The following TRIM35 variants were observed in gnomAD, a reference collection of about 807,000 sequenced individuals.
TRIM35 encodes E3 ubiquitin-protein ligase TRIM35.
A neutral mutation model predicts 49.1 loss-of-function variants in TRIM35; 37 were observed. The ratio of observed to expected loss-of-function variants is 0.75; its 90% CI spans 0.58 to 0.99. The LOEUF (loss-of-function observed/expected upper bound fraction) is 0.99, where lower values mean the gene tolerates loss of function less well. TRIM35 is among the 50% of genes least tolerant of loss of function. The pLI is 0.00. For synonymous variants in TRIM35, 302 were observed against 289.3 expected (o/e 1.04, Z -0.45); for missense variants, 648 against 702.7 (o/e 0.92, Z 0.88).
Position 27,289,266 on chromosome 8 carries a change from A to G in TRIM35, c.800T>C (p.Met267Thr). ...GCCGGGCTGGACTGGCTCTGGCTCCATGGTGCAGAAGAGTCTGGAAAAGTA... is the reference window on the plus strand; with the variant it reads ...GCCGGGCTGGACTGGCTCTGGCTCCGTGGTGCAGAAGAGTCTGGAAAAGTA... ...KSRKRRLFCT[M>T]EPEPVQPGML... The change falls in exon 5 of 6, where the codon ATG (methionine) becomes ACG (threonine). Residue 267 changes from methionine (M) to threonine (T), a missense_variant. Transcript: ENST00000305364. 6.2e-7 allele frequency: 1 copy of G among 1,614,064 alleles called. No individual in the cohort carries two copies. The highest frequency in any genetic ancestry group is 1.1e-5 in the South Asian group (1 of 91,080).
chr8:27,294,132 T>C lies in TRIM35; in HGVS notation c.710A>G (p.Glu237Gly). ...LTEETEVLAH[E>G]IERLQMEMKE... is the part of the protein sequence containing the mutation. ...CATCTCCATCTGCAGCCGCTCGATC[T>C]CATGTGCCAGCACCTCCGTCTCCTC... Residue 237 changes from glutamate (E) to glycine (G), a missense_variant, in exon 3 of 6, where the codon GAG (glutamate) becomes GGG (glycine). Glu to Gly is a moderately conservative substitution (Grantham distance 98). Transcript: ENST00000305364. 6.2e-7 allele frequency: 1 copy of C among 1,614,244 alleles called. No homozygotes were observed. Among genetic ancestry groups the C allele is most frequent in the South Asian group, 1.1e-5 (1 of 91,090 alleles).
rs1413503544 is a variant in TRIM35 at position 27,311,157 on chromosome 8, G to C, written c.79C>G (p.Pro27Ala). Residue 27 changes from proline (P) to alanine (A), a missense_variant, in exon 1 of 6, where the codon CCC becomes GCC. Transcript: ENST00000305364. Reference protein sequence around the residue: ...EELLCAVCYDPFRDAVTLRCG... With the variant: ...EELLCAVCYDAFRDAVTLRCG... Reference sequence around the variant, plus strand: ...CGCAGAGTGACTGCGTCGCGGAAGGGGTCGTAGCAGACGGCGCAGAGCAAC... The same window carrying C: ...CGCAGAGTGACTGCGTCGCGGAAGGCGTCGTAGCAGACGGCGCAGAGCAAC... 6.2e-7 allele frequency: 1 copy of C among 1,607,244 alleles called. No individual in the cohort carries two copies. Among genetic ancestry groups the C allele is most frequent in the African/African-American group, 1.3e-5 (1 of 75,040 alleles).
intron 1 of TRIM35, among the ~76,000 whole-genome samples, chr8:27,303,267 C>T (rs1413758435): frequency 6.6e-6 from 1 of 152,216 alleles, no homozygotes; most frequent in East Asian, 1.9e-4. Context: ...ACATAATTAC[C>T]GATATGTTTG....
At position 27,285,107 on chromosome 8, in the gene TRIM35, T is replaced by A. The variant is rs535212859; in HGVS notation, c.*2443A>T. The A allele has an allele frequency of 2.0e-5, 3 of 152,174 alleles. No individual in the cohort carries two copies. The highest frequency in any genetic ancestry group is 7.2e-5 in the African/African-American group (3 of 41,452). The allele number at this position is 152,174 out of a possible 1,614,324, so 9.4% of individuals were successfully genotyped here. ...GATATGCAAATGGCCAATAAGCTCA[T>A]GAAAAGATGCTCAATATCATTCGCC... On this transcript the variant is annotated 3_prime_UTR_variant, in exon 6 of 6. Transcript: ENST00000305364.
At chr8:27,290,449 C>A (rs2130262264) in intron 3 of TRIM35, among the ~76,000 whole-genome samples, 1 of 152,226 alleles carries the variant, frequency 6.6e-6, no homozygotes, top group East Asian at 1.9e-4. Flanking sequence ...GGATTAATAC[C>A]GTTATTGTGA....
At position 27,288,084 on chromosome 8, in the gene TRIM35, G is replaced by A. The variant is rs139383740; in HGVS notation, c.948C>T (p.Ser316=). The change falls in exon 6 of 6, where the codon TCC becomes TCT. Residue 316 remains serine, a synonymous_variant. Coordinates refer to ENST00000305364, the MANE Select transcript of TRIM35 (RefSeq NM_171982.5). ...TGACGCTGGTGAGGTCGTCAGACAC[G>A]GAGAGCCAGCCAGCTGCGGTGTTGG... The part of the protein sequence containing the change: ...FDPNTAAGWL[S]VSDDLTSVTN... 4.2e-5 allele frequency: 67 copies of A among 1,611,562 alleles called. No individual in the cohort carries two copies. Among genetic ancestry groups the A allele is most frequent in the East Asian group, 1.8e-4 (8 of 44,858 alleles).
intron 2 of TRIM35, among the ~76,000 whole-genome samples, chr8:27,295,720 A>G (rs1802551932): frequency 6.6e-6 from 1 of 152,212 alleles, no homozygotes; most frequent in Non-Finnish European, 1.5e-5. Flanking sequence ...TACTGAATGC[A>G]TATTGCTTTC....
intron 4 of TRIM35, among the ~76,000 whole-genome samples, chr8:27,289,846 C>G (rs191752680): frequency 6.6e-6 from 1 of 152,326 alleles, no homozygotes; most frequent in African/African-American, 2.4e-5. Flanking sequence ...AAGAAACAAG[C>G]CTGACATTGA....
intron 1 of TRIM35, among the ~76,000 whole-genome samples, chr8:27,299,663 G>T (rs1802643822): frequency 1.3e-5 from 2 of 152,230 alleles, no homozygotes; most frequent in Admixed American, 1.3e-4. Flanking sequence ...AAATGTCGGG[G>T]TGACTGGATA....
At chr8:27,310,345 G>C (rs1388069278) in intron 1 of TRIM35, among the ~76,000 whole-genome samples, 1 of 152,212 alleles carries the variant, frequency 6.6e-6, no homozygotes, top group East Asian at 1.9e-4. Context: ...GATCAGCTTG[G>C]CAAGTAGGTG....
chr8:27,309,320 C>A (rs1040067925), intron 1 of TRIM35, among the ~76,000 whole-genome samples: 1 of 152,226 alleles, frequency 6.6e-6, no homozygotes, highest in Admixed American at 6.5e-5. Context: ...AAATCAGGAT[C>A]TGTCACTTCT....
At chr8:27,300,348 A>G (rs1453666773) in intron 1 of TRIM35, among the ~76,000 whole-genome samples, 1 of 151,920 alleles carries the variant, frequency 6.6e-6, no homozygotes, top group Non-Finnish European at 1.5e-5. Flanking sequence ...AAGATAATAA[A>G]TGTTTGTTTT....
At chr8:27,293,928 A>T in intron 3 of TRIM35, 152 bp downstream of exon 3, 1 of 659,242 alleles carries the variant, frequency 1.5e-6, no homozygotes, top group Non-Finnish European at 2.6e-6. Flanking sequence ...TAGTTTCATG[A>T]CACAAGCAGA....
Position 27,311,107 on chromosome 8 carries a change from C to G in TRIM35, c.129G>C (p.Gly43=), listed in dbSNP as rs1191164903. The G allele has an allele frequency of 1.3e-6, 2 of 1,599,138 alleles. No homozygotes were observed. Among genetic ancestry groups the G allele is most frequent in the African/African-American group, 1.3e-5 (1 of 74,834 alleles). ...TLRCGHNFCR[G]CVSRCWEVQV... is the part of the protein sequence containing the mutation. Reference sequence around the variant, plus strand: ...GCACCTCCCAGCAGCGGCTCACGCACCCGCGGCAGAAGTTGTGGCCGCAGC... The same window carrying G: ...GCACCTCCCAGCAGCGGCTCACGCAGCCGCGGCAGAAGTTGTGGCCGCAGC... Residue 43 remains glycine (G), a synonymous_variant, in exon 1 of 6, where the codon GGG becomes GGC. Coordinates refer to ENST00000305364, the MANE Select transcript of TRIM35 (RefSeq NM_171982.5).
At chr8:27,305,630 T>C (rs1376082504) in intron 1 of TRIM35, among the ~76,000 whole-genome samples, 3 of 152,160 alleles carry the variant, frequency 2.0e-5, no homozygotes, top group Non-Finnish European at 4.4e-5. Context: ...CCAGATGGAC[T>C]CTAAGATGTT....
At chr8:27,299,063 G>A (rs574921796) in intron 1 of TRIM35, among the ~76,000 whole-genome samples, 7 of 152,088 alleles carry the variant, frequency 4.6e-5, no homozygotes, top group Non-Finnish European at 1.0e-4. Flanking sequence ...CTCCCATGAG[G>A]CCTCACCTCA....
chr8:27,302,930 G>C (rs1444093257), intron 1 of TRIM35, among the ~76,000 whole-genome samples: 1 of 151,950 alleles, frequency 6.6e-6, no homozygotes, highest in African/African-American at 2.4e-5. Flanking sequence ...TATAATTATT[G>C]GCTTACTTCA....
chr8:27,311,185 C>T lies in TRIM35; in HGVS notation c.51G>A (p.Glu17=). ...CGTAGCAGACGGCGCAGAGCAACTC[C>T]TCCTTGAAGGAGCGGGAAGGCCCGG... ...VSPGPSRSFK[E]ELLCAVCYDP... Residue 17 remains glutamate (E), a synonymous_variant, in exon 1 of 6, where the codon GAG becomes GAA. Transcript: ENST00000305364. The T allele has an allele frequency of 6.2e-7, 1 of 1,603,580 alleles. No individual in the cohort carries two copies. Among genetic ancestry groups the T allele is most frequent in the South Asian group, 1.1e-5 (1 of 89,516 alleles).
At position 27,285,796 on chromosome 8, in the gene TRIM35, G is replaced by A. The variant is rs1368548701; in HGVS notation, c.*1754C>T. The A allele has an allele frequency of 1.9e-5, 3 of 155,170 alleles. No homozygotes were observed. Among genetic ancestry groups the A allele is most frequent in the Non-Finnish European group, 4.3e-5 (3 of 69,944 alleles). The allele number at this position is 155,170 out of a possible 1,614,324, so 9.6% of individuals were successfully genotyped here. On this transcript the variant is annotated 3_prime_UTR_variant, in exon 6 of 6. Coordinates refer to ENST00000305364, the MANE Select transcript of TRIM35 (RefSeq NM_171982.5). ...TATACAGAAATTATATTAATGGGTG[G>A]GATAAATACTTTACAGGAGAGGGTC...
Sources: gnomAD v4.1 joint callset for allele counts (sites outside exome capture counted in the v4.1 genomes callset) on GRCh38, gnomAD v4.1.1 for gene constraint, MANE v1.5 for transcripts, NCBI Gene and HGNC (gene_info 2026-07-23, HGNC 2026-07-21) for gene names.